Variants in POLI observed in about 807,000 individuals in gnomAD.
POLI encodes DNA polymerase iota.
Under a neutral mutation model 51.6 loss-of-function variants are expected in POLI, and 58 were observed. The ratio of observed to expected loss-of-function variants is 1.12; its 90% CI spans 0.91 to 1.40. The LOEUF (loss-of-function observed/expected upper bound fraction) is 1.40. POLI is among the 40% of genes most tolerant of loss of function. POLI has a pLI of 0.00. For missense variants in POLI, 921 were observed against 871.3 expected (o/e 1.06, Z -0.72); for synonymous variants, 322 against 299.7 (o/e 1.07, Z -0.77).
intron 3 of POLI, among the ~76,000 whole-genome samples, chr18:54,275,410 A>G (rs1337093726): frequency 1.3e-5 from 2 of 152,258 alleles, no homozygotes; most frequent in African/African-American, 2.4e-5. Context: ...TGTCAAAAGT[A>G]TGGAAGGAAA....
chr18:54,321,080 G>A (rs191163768), exon 5 of POLI: 9 of 152,156 alleles, frequency 5.9e-5, no homozygotes, highest in East Asian at 1.9e-4. Context: ...ATGTGACCAC[G>A]CCACAGTCAA....
chr18:54,269,713 G>A, intron 1 of POLI, 52 bp downstream of exon 1: 1 of 1,428,542 alleles, frequency 7.0e-7, no homozygotes, highest in Non-Finnish European at 9.1e-7. Flanking sequence ...AATGAGAAGG[G>A]TGGGGCAGGC....
chr18:54,318,318 A>G (rs559942761), intron 3 of POLI, among the ~76,000 whole-genome samples: 1 of 152,290 alleles, frequency 6.6e-6, no homozygotes, highest in South Asian at 2.1e-4. Context: ...TTCAATGTAC[A>G]TCTATTTTTA....
At chr18:54,299,156 C>T (rs1211430756), downstream of POLI, among the ~76,000 whole-genome samples, 11 of 152,042 alleles carry the variant, frequency 7.2e-5, no homozygotes, top group African/African-American at 1.9e-4. Context: ...GAGCCTGGGC[C>T]GGGCGTGGTG....
chr18:54,312,281 C>G (rs1286293864), intron 3 of POLI, among the ~76,000 whole-genome samples: 1 of 152,046 alleles, frequency 6.6e-6, no homozygotes, highest in Non-Finnish European at 1.5e-5. Context: ...AAGGACATGA[C>G]TTTGTTCTTT....
chr18:54,315,752 T>C (rs1379044971), intron 3 of POLI, among the ~76,000 whole-genome samples: 2 of 152,198 alleles, frequency 1.3e-5, no homozygotes, highest in African/African-American at 4.8e-5. Context: ...AAGTCTGTTT[T>C]ATCTGATACA....
downstream of POLI, among the ~76,000 whole-genome samples, chr18:54,299,164 G>A (rs1468005196): frequency 6.6e-6 from 1 of 152,218 alleles, no homozygotes; most frequent in African/African-American, 2.4e-5. Context: ...GCCGGGCGTG[G>A]TGGCTCATGC....
Position 54,280,591 on chromosome 18 carries a change from T to C in POLI, c.560-76T>C. ...GTTGTTGGATATAGACTAAGCCCTC[T>C]ACCTTTTAAAAATTATTTTGTGAAA... On this transcript the variant is annotated intron_variant, in intron 4 of 9. Coordinates refer to ENST00000579534, the MANE Select transcript of POLI (RefSeq NM_007195.3). The C allele has an allele frequency of 1.1e-5, 10 of 927,702 alleles. 1 individual carries two copies. The South Asian group carries it at 1.3e-4, about 12-fold the overall frequency. 57.5% of individuals were successfully genotyped at this position (927,702 alleles called of 1,614,324 possible). A position where few individuals can be genotyped will look rare whatever the true frequency, so the allele number is the denominator to read the frequency against.
chr18:54,306,306 G>C (rs908089140), intron 3 of POLI, among the ~76,000 whole-genome samples: 1 of 152,080 alleles, frequency 6.6e-6, no homozygotes, highest in African/African-American at 2.4e-5. Context: ...TTTTGTCGAA[G>C]GCCTTTTCTG....
intron 3 of POLI, among the ~76,000 whole-genome samples, chr18:54,311,843 T>C (rs1042756914): frequency 2.0e-5 from 3 of 152,226 alleles, no homozygotes; most frequent in African/African-American, 7.2e-5. Flanking sequence ...AAAATTATCA[T>C]GTTCCTCACA....
chr18:54,310,873 C>T (rs947697898), intron 3 of POLI, among the ~76,000 whole-genome samples: 3 of 151,752 alleles, frequency 2.0e-5, no homozygotes, highest in Admixed American at 1.3e-4. Context: ...TAGGTTTGGC[C>T]GCCAGAAATG....
At chr18:54,286,877 A>G (rs929486885) in intron 7 of POLI, among the ~76,000 whole-genome samples, 2 of 152,092 alleles carry the variant, frequency 1.3e-5, no homozygotes, top group Non-Finnish European at 2.9e-5. Context: ...CTGGGAGGTG[A>G]AGGTTGCAGT....
chr18:54,293,196 G>A (rs924427713), intron 9 of POLI, among the ~76,000 whole-genome samples: 1 of 151,596 alleles, frequency 6.6e-6, no homozygotes, highest in Non-Finnish European at 1.5e-5. Flanking sequence ...GATGATGTTG[G>A]GTTTTGTTAT....
chr18:54,290,139 G>A (rs1054503944), intron 8 of POLI, among the ~76,000 whole-genome samples: 2 of 151,990 alleles, frequency 1.3e-5, no homozygotes, highest in African/African-American at 2.4e-5. Flanking sequence ...CAAGAAAAAA[G>A]CAAACAACCC....
chr18:54,304,446 C>T lies in POLI; in HGVS notation c.334-15827C>T, dbSNP rs570775374. Among the ~76,000 whole-genome samples the T allele has an allele frequency of 1.7e-3, 265 of 152,268 alleles. 2 individuals are homozygous for T. Among genetic ancestry groups the T allele is most frequent in the Middle Eastern group, 6.8e-3 (2 of 294 alleles). On this transcript the variant is annotated intron_variant, in intron 3 of 4. Coordinates refer to the POLI transcript ENST00000579823. Reference sequence around the variant, plus strand: ...TGTTGTTTCCTGACTTTTTAATGATCGCCATTCTAACTGGCGTGAGATGGT... The same window carrying T: ...TGTTGTTTCCTGACTTTTTAATGATTGCCATTCTAACTGGCGTGAGATGGT...
At chr18:54,272,387 T>C (rs2087043186) in intron 2 of POLI, 1 of 152,180 alleles carries the variant, frequency 6.6e-6, no homozygotes, top group Non-Finnish European at 1.5e-5. Context: ...AAAACTGTAA[T>C]TAAGTACGAA....
chr18:54,296,090 A>G lies in POLI; in HGVS notation c.*1623A>G. 1.0e-6 allele frequency: 1 copy of G among 984,456 alleles called. No homozygotes were observed. The highest frequency in any genetic ancestry group is 1.2e-6 in the Non-Finnish European group (1 of 829,020). The allele number at this position is 984,456 out of a possible 1,614,324, so 61.0% of individuals were successfully genotyped here. ...AATATTTAGTACTCTGAATCAAGGA[A>G]CATAGTATTTTTTACATGAGTATTC... On this transcript the variant is annotated 3_prime_UTR_variant, in exon 10 of 10. Coordinates refer to ENST00000579534, the MANE Select transcript of POLI (RefSeq NM_007195.3).
At chr18:54,281,124 T>C (rs2087481637) in intron 5 of POLI, among the ~76,000 whole-genome samples, 1 of 152,166 alleles carries the variant, frequency 6.6e-6, no homozygotes, top group African/African-American at 2.4e-5. Flanking sequence ...ACTTTTCTTA[T>C]TTTATCTACT....
intron 3 of POLI, among the ~76,000 whole-genome samples, chr18:54,304,520 A>G (rs1389458179): frequency 6.6e-6 from 1 of 152,204 alleles, no homozygotes; most frequent in East Asian, 1.9e-4. Context: ...AGTGATGATG[A>G]GCATTTTTTC....
Sources: allele counts gnomAD v4.1 joint callset (sites outside exome capture counted in the v4.1 genomes callset), GRCh38; gene constraint gnomAD v4.1.1; transcripts MANE v1.5; gene names NCBI Gene and HGNC (gene_info 2026-07-23, HGNC 2026-07-21).